ARB2A: variants seen among roughly 807,000 people sequenced by gnomAD.
The protein encoded by ARB2A is ARB2 cotranscriptional regulator A.
chr5:93,657,210 T>C, the ARB2A span, among the ~76,000 whole-genome samples: 2 of 152,152 alleles, frequency 1.3e-5, no homozygotes, highest in Non-Finnish European at 2.9e-5. Flanking sequence ...AGCAAACTGC[T>C]TCCTTTTGAT....
chr5:93,633,052 C>T, the ARB2A span, among the ~76,000 whole-genome samples: 1 of 152,162 alleles, frequency 6.6e-6, no homozygotes, highest in South Asian at 2.1e-4. Context: ...GCAGGCTCTT[C>T]TACTGAGTTC....
chr5:93,988,116 C>T, the ARB2A span, among the ~76,000 whole-genome samples: 5 of 152,166 alleles, frequency 3.3e-5, no homozygotes, highest in Admixed American at 6.5e-5. Context: ...CTCCTCATCT[C>T]TACTATCGCC....
At chr5:93,723,275 A>C in the ARB2A span, among the ~76,000 whole-genome samples, 1 of 152,104 alleles carries the variant, frequency 6.6e-6, no homozygotes, top group South Asian at 2.1e-4. Flanking sequence ...AATACCTTTA[A>C]ATTCTTAAGA....
At chr5:94,055,699 T>A in the ARB2A span, 4 of 985,274 alleles carry the variant, frequency 4.1e-6, no homozygotes, top group African/African-American at 7.0e-5. Flanking sequence ...AGAAGGGTTT[T>A]AATATCAAAA....
chr5:93,669,557 T>C, the ARB2A span, among the ~76,000 whole-genome samples: 1 of 152,206 alleles, frequency 6.6e-6, no homozygotes, highest in Non-Finnish European at 1.5e-5. Context: ...TTAATGTTAT[T>C]AAAATTCTTT....
the ARB2A span, among the ~76,000 whole-genome samples, chr5:93,951,673 T>C: frequency 6.6e-6 from 1 of 152,318 alleles, no homozygotes; most frequent in Admixed American, 6.5e-5. Flanking sequence ...TTCTATTCCA[T>C]TGGTTGATGT....
the ARB2A span, among the ~76,000 whole-genome samples, chr5:93,707,616 C>T: frequency 6.7e-6 from 1 of 149,348 alleles, no homozygotes; most frequent in Non-Finnish European, 1.5e-5. Context: ...ACACTGTCAC[C>T]CAGGCTGGAG....
the ARB2A span, among the ~76,000 whole-genome samples, chr5:94,005,160 T>C: frequency 6.6e-6 from 1 of 151,926 alleles, no homozygotes; most frequent in African/African-American, 2.4e-5. Flanking sequence ...ATTGGGAAGG[T>C]ACAATTTGGA....
chr5:94,021,859 G>C, the ARB2A span, among the ~76,000 whole-genome samples: 722 of 152,250 alleles, frequency 4.7e-3, 3 homozygotes, highest in South Asian at 8.5e-3. Flanking sequence ...ATCACCCGAG[G>C]TCAGTTCAGG....
the ARB2A span, among the ~76,000 whole-genome samples, chr5:94,065,867 T>C: frequency 6.6e-6 from 1 of 152,110 alleles, no homozygotes; most frequent in African/African-American, 2.4e-5. Flanking sequence ...ACACATTAGA[T>C]CAAATGGACC....
At chr5:94,042,320 T>A in the ARB2A span, among the ~76,000 whole-genome samples, 1 of 146,740 alleles carries the variant, frequency 6.8e-6, no homozygotes, top group Non-Finnish European at 1.5e-5. Flanking sequence ...TCAGCTTTTT[T>A]TTTTTTTTTT....
chr5:94,033,910 C>G, the ARB2A span, among the ~76,000 whole-genome samples: 1 of 152,172 alleles, frequency 6.6e-6, no homozygotes, highest in Non-Finnish European at 1.5e-5. Flanking sequence ...ATGTCTTTGT[C>G]TCAAGACTGG....
chr5:94,071,133 A>G, the ARB2A span, among the ~76,000 whole-genome samples: 10 of 152,154 alleles, frequency 6.6e-5, no homozygotes, highest in African/African-American at 2.4e-4. Flanking sequence ...AACCCTGGAA[A>G]CAACACAAAT....
the ARB2A span, among the ~76,000 whole-genome samples, chr5:93,934,073 TA>T: frequency 6.6e-6 from 1 of 152,046 alleles, no homozygotes; most frequent in Non-Finnish European, 1.5e-5. Context: ...ACAACAGCCA[TA>T]AAACTATAAA....
chr5:93,975,606 C>T, the ARB2A span, among the ~76,000 whole-genome samples: 1 of 152,082 alleles, frequency 6.6e-6, no homozygotes, highest in Non-Finnish European at 1.5e-5. Flanking sequence ...GATGACATCA[C>T]AATTGATCCC....
the ARB2A span, among the ~76,000 whole-genome samples, chr5:93,693,636 G>A: frequency 6.6e-6 from 1 of 152,104 alleles, no homozygotes; most frequent in Non-Finnish European, 1.5e-5. Context: ...GTACAAAGAG[G>A]AGCTGGTACC....
the ARB2A span, among the ~76,000 whole-genome samples, chr5:93,844,668 G>A: frequency 6.6e-6 from 1 of 152,078 alleles, no homozygotes; most frequent in Non-Finnish European, 1.5e-5. Context: ...ACCTAAGAGA[G>A]TAACAGAAGA....
chr5:93,709,262 T>A, the ARB2A span, among the ~76,000 whole-genome samples: 2 of 152,134 alleles, frequency 1.3e-5, no homozygotes, highest in African/African-American at 4.8e-5. Flanking sequence ...CCAGATTTTT[T>A]TACCCCATGG....
the ARB2A span, among the ~76,000 whole-genome samples, chr5:93,852,118 G>A: frequency 6.6e-6 from 1 of 152,108 alleles, no homozygotes; most frequent in Non-Finnish European, 1.5e-5. Context: ...AGCACCTGTT[G>A]TTTCCTGACT....
Sources: allele counts gnomAD v4.1 joint callset (sites outside exome capture counted in the v4.1 genomes callset), GRCh38; gene constraint gnomAD v4.1.1; transcripts MANE v1.5; gene names NCBI Gene and HGNC (gene_info 2026-07-23, HGNC 2026-07-21).